The following PCDHGA3 variants were observed in gnomAD, a reference collection of about 807,000 sequenced individuals.
The protein encoded by PCDHGA3 is protocadherin gamma subfamily A, 3.
A neutral mutation model predicts 58.5 loss-of-function variants in PCDHGA3; 40 were observed. The observed-to-expected ratio is 0.68, with a 90% CI of 0.53 to 0.89. The LOEUF (loss-of-function observed/expected upper bound fraction) is 0.89. Ranked by LOEUF, PCDHGA3 falls within the 40% of genes least tolerant of loss-of-function variation. The probability of loss-of-function intolerance (pLI) is 0.00; values close to 1 mark genes in which losing one functional copy is unlikely to be tolerated. For synonymous variants in PCDHGA3, 530 were observed against 525.7 expected, an observed-to-expected ratio of 1.01 and a Z score of -0.11; for missense variants, 1,223 against 1,195.9, an observed-to-expected ratio of 1.02 and a Z score of -0.33.
chr5:141,368,540 AT>A (rs34785174), intron 1 of PCDHGA3, among the ~76,000 whole-genome samples: 1 of 152,116 alleles, frequency 6.6e-6, no homozygotes, highest in Middle Eastern at 3.4e-3. Context: ...TTGCTTTTCC[AT>A]TTTTTTTAAA....
intron 1 of PCDHGA3, chr5:141,390,918 T>G (rs997224874): frequency 5.2e-5 from 8 of 152,550 alleles, no homozygotes; most frequent in Non-Finnish European, 1.2e-4. Flanking sequence ...GAAAAAGGTC[T>G]ACTATGCTCA....
chr5:141,433,029 T>C (rs2097561523), intron 1 of PCDHGA3: 2 of 1,613,998 alleles, frequency 1.2e-6, no homozygotes, highest in African/African-American at 2.7e-5. Flanking sequence ...TCCCACGAGG[T>C]TTCCCTCACC....
chr5:141,419,123 A>G (rs2096330317), intron 1 of PCDHGA3: 1 of 1,613,766 alleles, frequency 6.2e-7, no homozygotes, highest in African/African-American at 1.3e-5. Context: ...CAACGTCACC[A>G]TCGCAGCCAC....
chr5:141,398,668 A>G, intron 1 of PCDHGA3: 1 of 1,614,026 alleles, frequency 6.2e-7, no homozygotes, highest in Non-Finnish European at 8.5e-7. Context: ...TTTCTCATTA[A>G]TAATTAAGGA....
chr5:141,421,557 C>T (rs764010392), intron 1 of PCDHGA3: 1 of 1,613,932 alleles, frequency 6.2e-7, no homozygotes, highest in South Asian at 1.1e-5. Context: ...TGGAACTTCT[C>T]GTGGAAGACA....
intron 1 of PCDHGA3, among the ~76,000 whole-genome samples, chr5:141,437,926 T>C (rs1374182368): frequency 2.6e-5 from 4 of 152,058 alleles, no homozygotes; most frequent in Admixed American, 1.3e-4. Context: ...TTAGTAGAGA[T>C]GGGGTTTCAC....
At chr5:141,355,098 C>T (rs1561507721) in intron 1 of PCDHGA3, 46 of 1,495,826 alleles carry the variant, frequency 3.1e-5, no homozygotes, top group Non-Finnish European at 4.1e-5. Flanking sequence ...CCTGAGAGCT[C>T]TGGCTGTGAA....
At chr5:141,462,302 A>C (rs2099036796) in intron 1 of PCDHGA3, among the ~76,000 whole-genome samples, 1 of 152,222 alleles carries the variant, frequency 6.6e-6, no homozygotes, top group African/African-American at 2.4e-5. Context: ...GTATTACCCA[A>C]ATATATTTGT....
intron 1 of PCDHGA3, chr5:141,375,055 G>T (rs1771087502): frequency 6.2e-7 from 1 of 1,614,042 alleles, no homozygotes; most frequent in Non-Finnish European, 8.5e-7. Flanking sequence ...CCCGGGATGG[G>T]CCAGGTCTTC....
At chr5:141,404,015 C>T in intron 1 of PCDHGA3, 1 of 1,613,622 alleles carries the variant, frequency 6.2e-7, no homozygotes. Context: ...TCTGTTTAGC[C>T]CAGTGAGAGA....
At chr5:141,423,210 C>T in intron 1 of PCDHGA3, 2 of 1,613,696 alleles carry the variant, frequency 1.2e-6, no homozygotes, top group Non-Finnish European at 1.7e-6. Flanking sequence ...CCGTCACGCT[C>T]ACCGTGGCTG....
chr5:141,375,963 G>T lies in PCDHGA3; in HGVS notation c.2424+29506G>T, dbSNP rs371650654. 16 of 1,613,262 alleles carry T rather than the reference G, an allele frequency of 9.9e-6. No homozygotes were observed. Among genetic ancestry groups the T allele is most frequent in the African/African-American group, 1.3e-5 (1 of 74,938 alleles). ...GTGGGCCTGCACACGGGCGAGGTGC[G>T]CACGGCGCGCGCCCTGCTGGACAGA... On this transcript the variant is annotated intron_variant, in intron 1 of 3. Coordinates refer to ENST00000253812, the MANE Select transcript of PCDHGA3 (RefSeq NM_018916.4).
intron 3 of PCDHGA3, among the ~76,000 whole-genome samples, chr5:141,505,942 G>A (rs2099849309): frequency 6.6e-6 from 1 of 152,192 alleles, no homozygotes; most frequent in African/African-American, 2.4e-5. Flanking sequence ...AAGCCCTCAA[G>A]CAATGAAAGT....
rs538734954 is a variant in PCDHGA3 at position 141,494,863 on chromosome 5, C to T, written c.2481C>T (p.Ser827=). The change falls in exon 2 of 4, where the codon AGC becomes AGT. Residue 827 remains serine, a splice_region_variant and synonymous_variant. Coordinates refer to ENST00000253812, the MANE Select transcript of PCDHGA3 (RefSeq NM_018916.4). The part of the protein sequence containing the change: ...RFSQAQRPGT[S]GSQNGDDTGT... ...CTCAGGCCCAGAGACCCGGCACCAG[C>T]GGGTAGGTGACTGATTCTCCAGCCC... 2 of 1,614,118 alleles carry T rather than the reference C, an allele frequency of 1.2e-6. No individual in the cohort carries two copies. Among genetic ancestry groups the T allele is most frequent in the East Asian group, 2.2e-5 (1 of 44,874 alleles).
rs145569377 is a variant in PCDHGA3 at position 141,455,860 on chromosome 5, ATTATTTATTTATTTAT to A, written c.2425-38908_2425-38893del. Among the ~76,000 whole-genome samples, 551 of 139,848 alleles carry A rather than the reference ATTATTTATTTATTTAT, an allele frequency of 3.9e-3. 2 individuals carry two copies. The highest frequency in any genetic ancestry group is 9.7e-3 in the South Asian group (42 of 4,344). The allele number at this position is 139,848 out of a possible 152,430, so 91.7% of individuals were successfully genotyped here. ...CTATCTGCATAAAATAATTTCTTTTATTATTTATTTATTTATTTATTTATTTATTTATTTATTTATT... is the reference window on the plus strand; with the variant it reads ...CTATCTGCATAAAATAATTTCTTTTATTATTTATTTATTTATTTATTTATT... On this transcript the variant is annotated intron_variant, in intron 1 of 3. Transcript: ENST00000253812.
At position 141,440,639 on chromosome 5, in the gene PCDHGA3, T is replaced by C. The variant is rs2098191350; in HGVS notation, c.2425-54168T>C. On this transcript the variant is annotated intron_variant, in intron 1 of 3. Coordinates refer to ENST00000253812, the MANE Select transcript of PCDHGA3 (RefSeq NM_018916.4). ...GATCCTGATGTTGAGAGAAATTCCT[T>C]ACAAAATTATCACCTTAGCAGCAAC... 2 of 152,192 alleles carry C rather than the reference T, an allele frequency of 1.3e-5. 1 individual carries two copies. The highest frequency in any genetic ancestry group is 4.8e-5 in the African/African-American group (2 of 41,440). The allele number at this position is 152,192 out of a possible 1,614,324, so 9.4% of individuals were successfully genotyped here.
chr5:141,365,390 A>T (rs1763883184), intron 1 of PCDHGA3: 1 of 1,613,850 alleles, frequency 6.2e-7, no homozygotes, highest in African/African-American at 1.3e-5. Context: ...CTCTCTGACC[A>T]GTTCGATCTC....
intron 1 of PCDHGA3, among the ~76,000 whole-genome samples, chr5:141,348,570 A>G (rs762981385): frequency 2.7e-4 from 41 of 152,346 alleles, no homozygotes; most frequent in Non-Finnish European, 4.4e-4. Flanking sequence ...CATAGCCTAC[A>G]TATGTGTCAT....
At chr5:141,390,146 T>C (rs2092063198) in intron 1 of PCDHGA3, 1 of 1,614,026 alleles carries the variant, frequency 6.2e-7, no homozygotes, top group Non-Finnish European at 8.5e-7. Context: ...ATCTATGTGT[T>C]GCACATACAG....
Sources: allele counts gnomAD v4.1 joint callset (sites outside exome capture counted in the v4.1 genomes callset), GRCh38; gene constraint gnomAD v4.1.1; transcripts MANE v1.5; gene names NCBI Gene and HGNC (gene_info 2026-07-23, HGNC 2026-07-21).